BRWD3: variants seen among roughly 807,000 people sequenced by gnomAD.
The protein encoded by BRWD3 is bromodomain and WD repeat domain containing 3.
Under a neutral mutation model 149.7 loss-of-function variants are expected in BRWD3, and 10 were observed. The ratio of observed to expected loss-of-function variants is 0.07; its 90% confidence interval spans 0.04 to 0.11. BRWD3 has a LOEUF of 0.11. Ranked by LOEUF, BRWD3 falls within the 10% of genes least tolerant of loss-of-function variation. The probability of loss-of-function intolerance (pLI) is 1.00; values close to 1 mark genes in which losing one functional copy is unlikely to be tolerated. For synonymous variants in BRWD3, 504 were observed against 456.7 expected (o/e 1.10, Z -1.32); for missense variants, 940 against 1,373.2 (o/e 0.68, Z 4.99).
intron 25 of BRWD3, 106 bp downstream of exon 25, chrX:80,699,851 C>A (rs1055996239): frequency 1.8e-6 from 1 of 547,673 alleles, no homozygotes; most frequent in Non-Finnish European, 3.2e-6. Context: ...CTTGGATACA[C>A]AATCAACAGT....
At chrX:80,712,063 T>C (rs1440859717) in intron 20 of BRWD3, among the ~76,000 whole-genome samples, 1 of 111,926 alleles carries the variant, frequency 8.9e-6, no homozygotes. Flanking sequence ...GTAAAAAGTA[T>C]CTTTAGAATA....
At chrX:80,769,437 C>T (rs1005258605) in intron 6 of BRWD3, among the ~76,000 whole-genome samples, 2 of 111,814 alleles carry the variant, frequency 1.8e-5, no homozygotes, top group Admixed American at 9.5e-5. Flanking sequence ...GATTAAGAAA[C>T]TCACTCAAAA....
intron 6 of BRWD3, among the ~76,000 whole-genome samples, chrX:80,773,557 G>GT (rs2073969860): frequency 9.0e-6 from 1 of 111,646 alleles, no homozygotes; most frequent in African/African-American, 3.3e-5. Flanking sequence ...GGATTAATGT[G>GT]TAACTATCAG....
rs1602319875 is a variant in BRWD3 at position 80,699,959 on chromosome X, T to G, written c.2941A>C (p.Arg981=). Reference sequence around the variant, plus strand: ...GCTTATGAATTTGGCAAACTTACCCTGAGATCCATTTTGTTCCATGGCTGT... The same window carrying G: ...GCTTATGAATTTGGCAAACTTACCCGGAGATCCATTTTGTTCCATGGCTGT... ...QKQPWNKMDL[R]EQEFVKIVGI... is the part of the protein sequence containing the mutation. The change falls in exon 25 of 41, where the codon AGG becomes CGG. Residue 981 remains arginine (R), a splice_region_variant and synonymous_variant. Coordinates refer to ENST00000373275, the MANE Select transcript of BRWD3 (RefSeq NM_153252.5). The G allele has an allele frequency of 2.5e-6, 3 of 1,200,263 alleles. No individual in the cohort carries two copies. The highest frequency in any genetic ancestry group is 3.4e-6 in the Non-Finnish European group (3 of 886,096).
chrX:80,680,178 C>G (rs908828812), intron 40 of BRWD3, among the ~76,000 whole-genome samples: 3 of 111,777 alleles, frequency 2.7e-5, no homozygotes, highest in African/African-American at 9.7e-5. Flanking sequence ...ATTAACTATT[C>G]TTCACAAACT....
At chrX:80,783,835 T>G (rs2074081596) in intron 6 of BRWD3, among the ~76,000 whole-genome samples, 1 of 111,489 alleles carries the variant, frequency 9.0e-6, no homozygotes, top group Admixed American at 9.6e-5. Flanking sequence ...AAAGACAAAC[T>G]TTACATCTTC....
intron 38 of BRWD3, 98 bp downstream of exon 38, chrX:80,682,365 CCT>C (rs2072462002): frequency 3.1e-6 from 3 of 954,303 alleles, no homozygotes; most frequent in Non-Finnish European, 4.5e-6. Flanking sequence ...CAAAAAAAGA[CCT>C]CTTGGGATCT....
intron 6 of BRWD3, among the ~76,000 whole-genome samples, chrX:80,791,552 T>C (rs187674851): frequency 2.7e-5 from 3 of 111,710 alleles, no homozygotes; most frequent in African/African-American, 6.5e-5. Flanking sequence ...ACTCAGCACA[T>C]AGACATGTAA....
rs1359452132 is a variant in BRWD3, at chrX:80,809,631, C to T, written c.-160G>A. On this transcript the variant is annotated 5_prime_UTR_variant, in exon 1 of 41. The change creates a new upstream start codon in the 5' untranslated region. Transcript: ENST00000373275. ...GCTCTCTCTCGAATTCATCGCATCA[C>T]GTTTCGACCCATAGATATTCTAGCC... The T allele has an allele frequency of 2.3e-6, 1 of 443,912 alleles. No homozygotes were observed. Among genetic ancestry groups the T allele is most frequent in the African/African-American group, 2.6e-5 (1 of 38,881 alleles). The allele number at this position is 443,912 out of a possible 1,213,427, so 36.6% of individuals were successfully genotyped here.
intron 12 of BRWD3, among the ~76,000 whole-genome samples, chrX:80,731,471 T>C (rs2073328678): frequency 8.9e-6 from 1 of 111,907 alleles, no homozygotes; most frequent in Non-Finnish European, 1.9e-5. Flanking sequence ...GGTTTTTTCA[T>C]TCCTAATACA....
chrX:80,677,203 C>T lies in BRWD3; in HGVS notation c.4815G>A (p.Glu1605=), dbSNP rs757838662. 12 of 1,209,081 alleles carry T rather than the reference C, an allele frequency of 9.9e-6. No homozygotes were observed. Among genetic ancestry groups the T allele is most frequent in the South Asian group, 3.5e-5 (2 of 56,806 alleles). Residue 1605 remains glutamate, a synonymous_variant, in exon 41 of 41, where the codon GAG becomes GAA. Transcript: ENST00000373275. ...TTAAACTGGATCCTAACTCTCCACT[C>T]TCTGAGGTGGATAAATGAGATTTCT... ...TKEKSHLSTS[E]SGELGSSLSS... is the part of the protein sequence containing the mutation.
At position 80,735,234 on chromosome X, in the gene BRWD3, T is replaced by C. The variant is rs752978608; in HGVS notation, c.915-37A>G. The stretch of plus-strand genomic sequence containing the variant: ...AATAAGGTGTTTTTGTGTTTCATCA[T>C]GTTTGGCTAATGGGCCAGAATGTTA... On this transcript the variant is annotated intron_variant, in intron 9 of 40. Coordinates refer to ENST00000373275, the MANE Select transcript of BRWD3 (RefSeq NM_153252.5). The C allele has an allele frequency of 1.4e-4, 155 of 1,093,797 alleles. 1 individual carries two copies. The South Asian group carries it at 2.7e-3, about 19-fold the overall frequency. The allele number at this position is 1,093,797 out of a possible 1,213,427, so 90.1% of individuals were successfully genotyped here.
chrX:80,729,760 A>C (rs1170438023), intron 13 of BRWD3, among the ~76,000 whole-genome samples, 156 bp downstream of exon 13: 1 of 111,808 alleles, frequency 8.9e-6, no homozygotes, highest in Non-Finnish European at 1.9e-5. Flanking sequence ...AATCAACAGT[A>C]ACGAAGATTT....
chrX:80,804,399 G>A (rs550491837), intron 4 of BRWD3, among the ~76,000 whole-genome samples: 3 of 110,183 alleles, frequency 2.7e-5, no homozygotes, highest in Admixed American at 9.7e-5. Flanking sequence ...TACCACACCC[G>A]GCTAATGTTT....
At chrX:80,690,670 T>C (rs751949681) in intron 31 of BRWD3, among the ~76,000 whole-genome samples, 1 of 111,147 alleles carries the variant, frequency 9.0e-6, no homozygotes, top group Non-Finnish European at 1.9e-5. Context: ...CTTTCCTGTA[T>C]ATATTTCAGT....
chrX:80,780,225 T>C (rs1401321583), intron 6 of BRWD3, among the ~76,000 whole-genome samples: 2 of 110,710 alleles, frequency 1.8e-5, no homozygotes, highest in Non-Finnish European at 3.8e-5. Flanking sequence ...GTTAAACATA[T>C]AGAACAAATA....
At position 80,730,389 on chromosome X, in the gene BRWD3, A is replaced by AAAAGAAAGAAAGAAAGAAAG. The variant is rs56311451; in HGVS notation, c.1128-389_1128-370dup. Among the ~76,000 whole-genome samples, 304 of 77,663 alleles carry AAAAGAAAGAAAGAAAGAAAG rather than the reference A, an allele frequency of 3.9e-3. 2 individuals are homozygous for AAAAGAAAGAAAGAAAGAAAG. The highest frequency in any genetic ancestry group is 8.0e-3 in the South Asian group (10 of 1,246). 67.4% of individuals were successfully genotyped at this position (77,663 alleles called of 115,157 possible). On this transcript the variant is annotated intron_variant, in intron 12 of 40. Transcript: ENST00000373275. ...TTCATACAATGAAATATTATTTAGC[A>AAAAGAAAGAAAGAAAGAAAG]AAAGAAAGAAAGAAAGAAAGAAAGA...
At chrX:80,696,464 G>C (rs1311454635) in intron 26 of BRWD3, among the ~76,000 whole-genome samples, 1 of 107,568 alleles carries the variant, frequency 9.3e-6, no homozygotes, top group Non-Finnish European at 1.9e-5. Flanking sequence ...CATAAATTCA[G>C]AGAGGTTAAG....
intron 6 of BRWD3, among the ~76,000 whole-genome samples, chrX:80,772,410 T>C (rs1035994143): frequency 9.0e-6 from 1 of 110,847 alleles, no homozygotes; most frequent in Non-Finnish European, 1.9e-5. Flanking sequence ...TAGGTGGGAA[T>C]TGAACAATGA....
Sources: allele counts gnomAD v4.1 joint callset (sites outside exome capture counted in the v4.1 genomes callset), GRCh38; gene constraint gnomAD v4.1.1; transcripts MANE v1.5; gene names NCBI Gene and HGNC (gene_info 2026-07-23, HGNC 2026-07-21).